The following PVALB variants were observed in gnomAD, a reference collection of about 807,000 sequenced individuals.
PVALB encodes parvalbumin alpha.
PVALB carries 11 observed loss-of-function variants against 10.9 expected under a neutral mutation model. The observed-to-expected ratio is 1.01, with a 90% CI of 0.63 to 1.67. The LOEUF (loss-of-function observed/expected upper bound fraction) is 1.67. PVALB is among the 40% of genes most tolerant of loss of function. PVALB has a pLI of 0.00. For missense variants in PVALB, 131 were observed against 136.2 expected (o/e 0.96, Z 0.19); for synonymous variants, 57 against 50.7 (o/e 1.12, Z -0.53).
At chr22:36,815,061 G>T in intron 2 of PVALB, 42 bp downstream of exon 2, 4 of 1,609,922 alleles carry the variant, frequency 2.5e-6, no homozygotes, top group Non-Finnish European at 3.4e-6. Context: ...ACTCCCTCTC[G>T]TGCAGCCGTG....
rs1162278266 is a variant in PVALB at position 36,804,544 on chromosome 22, A to G, written c.305-3626T>C. ...GAGCCACCCCTTCCGTGCCTTTCCT[A>G]TCTGCCTCAGGGCTGAGCTCTTAGG... On this transcript the variant is annotated intron_variant, in intron 3 of 3. Coordinates refer to ENST00000417718, the MANE Select transcript of PVALB (RefSeq NM_001315532.2). Among the ~76,000 whole-genome samples the G allele has an allele frequency of 3.9e-5, 6 of 152,296 alleles. No individual in the cohort carries two copies. In the South Asian group the frequency reaches 6.2e-4, roughly 16 times the overall value.
chr22:36,806,990 C>T (rs1267076800), intron 3 of PVALB, among the ~76,000 whole-genome samples: 10 of 152,182 alleles, frequency 6.6e-5, no homozygotes, highest in Non-Finnish European at 1.5e-4. Context: ...TGTCTTTTTC[C>T]ACCAAGCAGC....
intron 3 of PVALB, among the ~76,000 whole-genome samples, chr22:36,807,564 C>T (rs540940699): frequency 6.6e-6 from 1 of 152,288 alleles, no homozygotes; most frequent in African/African-American, 2.4e-5. Context: ...TTTTGGGTGG[C>T]TTACGAGCAA....
At chr22:36,807,568 C>T (rs895410121) in intron 3 of PVALB, among the ~76,000 whole-genome samples, 9 of 152,118 alleles carry the variant, frequency 5.9e-5, no homozygotes, top group Admixed American at 2.0e-4. Context: ...GGGTGGCTTA[C>T]GAGCAAAACA....
At chr22:36,814,227 G>T (rs1314294053) in intron 2 of PVALB, among the ~76,000 whole-genome samples, 1 of 151,990 alleles carries the variant, frequency 6.6e-6, no homozygotes, top group Non-Finnish European at 1.5e-5. Flanking sequence ...GCTTCCTGGT[G>T]AAGGTGATAC....
chr22:36,815,335 T>C (rs1299738707), intron 1 of PVALB, 100 bp from the exon 2 acceptor site: 7 of 1,477,148 alleles, frequency 4.7e-6, no homozygotes, highest in Non-Finnish European at 6.6e-6. Flanking sequence ...GATTCCCACA[T>C]GCCAGTCATG....
At position 36,804,355 on chromosome 22, in the gene PVALB, T is replaced by G. The variant is rs548614711; in HGVS notation, c.305-3437A>C. 2.0e-5 allele frequency among the ~76,000 whole-genome samples: 3 copies of G among 152,336 alleles called. No individual in the cohort carries two copies. In the South Asian group the frequency reaches 6.2e-4, roughly 32 times the overall value. On this transcript the variant is annotated intron_variant, in intron 3 of 3. Transcript: ENST00000417718. ...AGGTACTTTGGAGCTGTGGGGTTTTTGAAAGCCTCTTAAATCAGCCCCTCT... is the reference window on the plus strand; with the variant it reads ...AGGTACTTTGGAGCTGTGGGGTTTTGGAAAGCCTCTTAAATCAGCCCCTCT...
At chr22:36,817,092 A>C, upstream of PVALB, 1 of 1,291,936 alleles carries the variant, frequency 7.7e-7, no homozygotes, top group Non-Finnish European at 1.1e-6. Context: ...CCAGCGCTGC[A>C]GTGCTGCGCG....
chr22:36,815,018 G>C, intron 2 of PVALB, 85 bp downstream of exon 2: 4 of 1,542,660 alleles, frequency 2.6e-6, no homozygotes. Context: ...AGGCAGGTCT[G>C]ATGGACACTT....
At chr22:36,809,263 C>T (rs77057348) in intron 3 of PVALB, among the ~76,000 whole-genome samples, 4,605 of 152,290 alleles carry the variant, frequency 0.03, 110 homozygotes, top group Non-Finnish European at 0.045. Flanking sequence ...TTCATTCATT[C>T]ATTCATTCAT....
chr22:36,816,869 TGCGGGGCCGGCGG>T, intron 1 of PVALB, 63 bp downstream of exon 1: 1 of 1,306,330 alleles, frequency 7.7e-7, no homozygotes, highest in African/African-American at 1.5e-5. Context: ...ATCCGCCGGC[TGCGGGGCCGGCGG>T]AGTGCAGGGG....
At chr22:36,802,187 G>A (rs1420730257) in intron 3 of PVALB, among the ~76,000 whole-genome samples, 1 of 152,004 alleles carries the variant, frequency 6.6e-6, no homozygotes, top group Non-Finnish European at 1.5e-5. Context: ...CTGGGTGAAG[G>A]GTGTACAGGA....
chr22:36,800,860 AG>A lies in PVALB; in HGVS notation c.*29del. On this transcript the variant is annotated 3_prime_UTR_variant, in exon 4 of 4. Coordinates refer to ENST00000417718, the MANE Select transcript of PVALB (RefSeq NM_001315532.2). ...CCGAGATTGGGTGTTCAGGGCAGAG[AG>A]GTGGAAGACCAGGGGCAGTCAGTGC... The A allele has an allele frequency of 6.3e-7, 1 of 1,591,464 alleles. No individual in the cohort carries two copies. The highest frequency in any genetic ancestry group is 8.6e-7 in the Non-Finnish European group (1 of 1,159,344).
chr22:36,814,953 G>T, intron 2 of PVALB, 150 bp downstream of exon 2: 2 of 1,034,914 alleles, frequency 1.9e-6, no homozygotes, highest in Non-Finnish European at 2.7e-6. Flanking sequence ...CTGGTGCCCT[G>T]GGTCGGAGCC....
At chr22:36,818,771 G>A (rs559854910), upstream of PVALB, 2 of 152,428 alleles carry the variant, frequency 1.3e-5, no homozygotes, top group Admixed American at 6.5e-5. Context: ...AATGGTCTAA[G>A]GACACATGGT....
At chr22:36,809,131 C>G (rs779285195) in intron 3 of PVALB, among the ~76,000 whole-genome samples, 87 of 152,166 alleles carry the variant, frequency 5.7e-4, no homozygotes, top group Non-Finnish European at 9.0e-4. Context: ...GTTTGGGCTC[C>G]CTGGCACCTG....
intron 3 of PVALB, among the ~76,000 whole-genome samples, chr22:36,803,985 C>T (rs1938912516): frequency 6.6e-6 from 1 of 152,200 alleles, no homozygotes; most frequent in African/African-American, 2.4e-5. Context: ...AGCATGAACC[C>T]TCTACAGCTT....
intron 3 of PVALB, chr22:36,811,425 G>GTAGC (rs1491112664): frequency 6.4e-6 from 3 of 468,580 alleles, no homozygotes; most frequent in South Asian, 1.6e-5. Context: ...GGGCTAAGGA[G>GTAGC]TAGCTGCTCA....
In PVALB at chr22:36,807,775, C is replaced by A. The variant is rs576001895; in HGVS notation, c.304+5871G>T. ...ATTTCTGCCTGACTCAGGTGCTCCA[C>A]CACAGCCCAAGGCCTTACGCTACCA... On this transcript the variant is annotated intron_variant, in intron 3 of 3. Coordinates refer to ENST00000417718, the MANE Select transcript of PVALB (RefSeq NM_001315532.2). Among the ~76,000 whole-genome samples, 99 of 152,272 alleles carry A rather than the reference C, an allele frequency of 6.5e-4. No homozygotes were observed. The South Asian group carries it at 7.9e-3, about 12-fold the overall frequency.
Sources: gnomAD v4.1 joint callset for allele counts (sites outside exome capture counted in the v4.1 genomes callset) on GRCh38, gnomAD v4.1.1 for gene constraint, MANE v1.5 for transcripts, NCBI Gene and HGNC (gene_info 2026-07-23, HGNC 2026-07-21) for gene names.